CLVS1: variants seen among roughly 807,000 people sequenced by gnomAD.
CLVS1 encodes clavesin-1.
A neutral mutation model predicts 33.1 loss-of-function variants in CLVS1; 10 were observed. The observed-to-expected ratio is 0.30, with a 90% confidence interval of 0.19 to 0.51. The LOEUF is 0.51. Among genes scored for constraint, CLVS1 ranks in the 20% least tolerant of loss-of-function variants. The pLI is 0.97. For synonymous variants in CLVS1, 163 were observed against 166.1 expected (o/e 0.98, Z 0.14); for missense variants, 343 against 433.4 (o/e 0.79, Z 1.85).
chr8:61,090,018 C>T (rs1428215030), intron 1 of CLVS1, among the ~76,000 whole-genome samples: 1 of 152,222 alleles, frequency 6.6e-6, no homozygotes, highest in African/African-American at 2.4e-5. Context: ...AAGAAGTTCT[C>T]CCTAATACCT....
At chr8:61,328,809 A>G (rs1811483277) in intron 2 of CLVS1, among the ~76,000 whole-genome samples, 1 of 152,094 alleles carries the variant, frequency 6.6e-6, no homozygotes. Flanking sequence ...ACTCCCCTCT[A>G]TCCTCATCCT....
At chr8:61,083,374 T>A (rs1805059683) in intron 1 of CLVS1, among the ~76,000 whole-genome samples, 1 of 152,080 alleles carries the variant, frequency 6.6e-6, no homozygotes, top group Non-Finnish European at 1.5e-5. Flanking sequence ...GTGGGCCGCC[T>A]GGGAAAATAT....
intron 2 of CLVS1, among the ~76,000 whole-genome samples, chr8:61,259,166 G>C (rs1203568996): frequency 1.3e-5 from 2 of 152,184 alleles, no homozygotes; most frequent in Admixed American, 1.3e-4. Flanking sequence ...ACTCCAGCGA[G>C]CACATCTAAA....
intron 1 of CLVS1, among the ~76,000 whole-genome samples, chr8:61,122,695 A>G (rs1480577090): frequency 6.6e-6 from 1 of 152,156 alleles, no homozygotes; most frequent in African/African-American, 2.4e-5. Flanking sequence ...TGAAAGTGAT[A>G]AATCATTAAC....
chr8:61,035,187 C>CTTTTTTTTTTTTTTTTTTTT, the CLVS1 span, among the ~76,000 whole-genome samples: 8 of 129,404 alleles, frequency 6.2e-5, no homozygotes, highest in African/African-American at 1.2e-4. Context: ...TTTCTTTTTT[C>CTTTTTTTTTTTTTTTTTTTT]TTTTTTTTTT....
At chr8:61,212,628 G>A (rs1247660370) in intron 2 of CLVS1, among the ~76,000 whole-genome samples, 3 of 152,184 alleles carry the variant, frequency 2.0e-5, no homozygotes, top group African/African-American at 7.2e-5. Context: ...CCAGTCACGT[G>A]GTTGTCACAG....
chr8:61,127,784 A>G (rs1806003844), intron 1 of CLVS1, among the ~76,000 whole-genome samples: 3 of 152,146 alleles, frequency 2.0e-5, no homozygotes, highest in Non-Finnish European at 2.9e-5. Context: ...CTAGACAGAT[A>G]TTCCCTCTCC....
chr8:61,385,893 G>A (rs909905264), intron 3 of CLVS1, among the ~76,000 whole-genome samples: 3 of 152,148 alleles, frequency 2.0e-5, no homozygotes, highest in Admixed American at 2.0e-4. Context: ...AAATGTTGGG[G>A]GGTAGTCCCC....
At chr8:61,435,737 T>C (rs1816307776) in intron 3 of CLVS1, among the ~76,000 whole-genome samples, 1 of 152,166 alleles carries the variant, frequency 6.6e-6, no homozygotes, top group South Asian at 2.1e-4. Flanking sequence ...AGGACTACTG[T>C]CTTGTACAGA....
At position 61,439,711 on chromosome 8, in the gene CLVS1, T is replaced by C. The variant is rs116103152; in HGVS notation, c.631-14430T>C. On this transcript the variant is annotated intron_variant, in intron 3 of 5. Transcript: ENST00000325897. Reference sequence around the variant, plus strand: ...GTTCTTTAAATGTATAGTCACATTGTCTGTTGCCTTGGCAGAAATTTGACA... The same window carrying C: ...GTTCTTTAAATGTATAGTCACATTGCCTGTTGCCTTGGCAGAAATTTGACA... Among the ~76,000 whole-genome samples, 595 of 152,344 alleles carry C rather than the reference T, an allele frequency of 3.9e-3. 2 individuals are homozygous for C. Among genetic ancestry groups the C allele is most frequent in the African/African-American group, 0.013 (540 of 41,576 alleles).
At chr8:61,087,177 G>T (rs1805141954) in intron 1 of CLVS1, among the ~76,000 whole-genome samples, 1 of 152,244 alleles carries the variant, frequency 6.6e-6, no homozygotes, top group Non-Finnish European at 1.5e-5. Context: ...AAGGAGACAT[G>T]AATGTTTCCT....
rs147565516 is a variant in CLVS1, at chr8:61,379,990, A to C, written c.630+3211A>C. Among the ~76,000 whole-genome samples, 1,306 of 152,308 alleles carry C rather than the reference A, an allele frequency of 8.6e-3. 21 individuals carry two copies. Among genetic ancestry groups the C allele is most frequent in the African/African-American group, 0.029 (1,219 of 41,562 alleles). On this transcript the variant is annotated intron_variant, in intron 3 of 5. Coordinates refer to ENST00000325897, the MANE Select transcript of CLVS1 (RefSeq NM_173519.3). The stretch of plus-strand genomic sequence containing the variant: ...CTGAGGACTTTCTGGCAGCCCTCTC[A>C]GTGGCTGGGCAGCATATCAGAGCAT...
chr8:60,973,359 G>A, the CLVS1 span, among the ~76,000 whole-genome samples: 1 of 152,166 alleles, frequency 6.6e-6, no homozygotes, highest in African/African-American at 2.4e-5. Flanking sequence ...ATAAACATTT[G>A]CTATGAGTTT....
intron 3 of CLVS1, among the ~76,000 whole-genome samples, chr8:61,399,749 A>T (rs984754960): frequency 1.3e-5 from 2 of 152,216 alleles, no homozygotes; most frequent in South Asian, 2.1e-4. Context: ...CATTTTCTGC[A>T]TATGGCTAGC....
chr8:61,189,564 A>G (rs1807420875), intron 2 of CLVS1, among the ~76,000 whole-genome samples: 1 of 152,240 alleles, frequency 6.6e-6, no homozygotes, highest in South Asian at 2.1e-4. Flanking sequence ...TCCAATTAAA[A>G]GACACAGCCT....
intron 3 of CLVS1, among the ~76,000 whole-genome samples, chr8:61,397,616 A>G (rs907520935): frequency 1.3e-5 from 2 of 152,138 alleles, no homozygotes; most frequent in Admixed American, 1.3e-4. Context: ...AAGATGATTG[A>G]CGCCTATGTT....
chr8:61,383,556 C>T (rs1024201091), intron 3 of CLVS1, among the ~76,000 whole-genome samples: 1 of 152,172 alleles, frequency 6.6e-6, no homozygotes, highest in Non-Finnish European at 1.5e-5. Flanking sequence ...GTTTTACCTC[C>T]TCAGGTCACA....
intron 3 of CLVS1, among the ~76,000 whole-genome samples, chr8:61,433,349 TC>T (rs1160767870): frequency 6.6e-6 from 1 of 152,208 alleles, no homozygotes; most frequent in Non-Finnish European, 1.5e-5. Flanking sequence ...ATACATTGTC[TC>T]GGGCTCTCAG....
chr8:61,145,293 G>A (rs1402924105), intron 2 of CLVS1, among the ~76,000 whole-genome samples: 1 of 152,220 alleles, frequency 6.6e-6, no homozygotes, highest in Non-Finnish European at 1.5e-5. Flanking sequence ...AGTGGGCGAA[G>A]GATATGAACA....
Sources: gnomAD v4.1 joint callset for allele counts (sites outside exome capture counted in the v4.1 genomes callset) on GRCh38, gnomAD v4.1.1 for gene constraint, MANE v1.5 for transcripts, NCBI Gene and HGNC (gene_info 2026-07-23, HGNC 2026-07-21) for gene names.